EPHA5: variants seen among roughly 807,000 people sequenced by gnomAD.
EPHA5 encodes ephrin type-A receptor 5.
In EPHA5, 60 loss-of-function variants were observed where a neutral mutation model predicts 105.0. The ratio of observed to expected loss-of-function variants is 0.57; its 90% CI spans 0.46 to 0.71. The LOEUF (loss-of-function observed/expected upper bound fraction) is 0.71, where lower values mean the gene tolerates loss of function less well. Among genes scored for constraint, EPHA5 ranks in the 30% least tolerant of loss-of-function variants. The pLI is 0.00. For missense variants in EPHA5, 1,218 were observed against 1,274.7 expected, an observed-to-expected ratio of 0.96 and a Z score of 0.68; for synonymous variants, 513 against 449.1, an observed-to-expected ratio of 1.14 and a Z score of -1.80.
At chr4:65,352,599 C>A (rs902022772) in intron 12 of EPHA5, among the ~76,000 whole-genome samples, 1 of 151,912 alleles carries the variant, frequency 6.6e-6, no homozygotes, top group Non-Finnish European at 1.5e-5. Flanking sequence ...AGATTAGGAG[C>A]ACTTATAGGC....
chr4:65,470,556 A>G (rs562510487), intron 5 of EPHA5, among the ~76,000 whole-genome samples: 42 of 152,292 alleles, frequency 2.8e-4, no homozygotes, highest in African/African-American at 9.9e-4. Context: ...ATAACCATGT[A>G]CATGAATACC....
intron 3 of EPHA5, among the ~76,000 whole-genome samples, chr4:65,593,697 G>A (rs1187873367): frequency 6.6e-6 from 1 of 152,102 alleles, no homozygotes; most frequent in Non-Finnish European, 1.5e-5. Flanking sequence ...AAGAAAGCAG[G>A]GCTCAATCTG....
intron 3 of EPHA5, among the ~76,000 whole-genome samples, chr4:65,519,370 A>C (rs936700357): frequency 6.6e-6 from 1 of 152,092 alleles, no homozygotes; most frequent in African/African-American, 2.4e-5. Flanking sequence ...TATTGATAGG[A>C]TGTATCTCAA....
At position 65,361,308 on chromosome 4, in the gene EPHA5, C is replaced by T. The variant is rs375459391; in HGVS notation, c.2173+3709G>A. Reference sequence around the variant, plus strand: ...AAGGTCGAGTAGAGAGAAGAGAGGACATTTTAGGTCTGAGTGAAGTATCTC... The same window carrying T: ...AAGGTCGAGTAGAGAGAAGAGAGGATATTTTAGGTCTGAGTGAAGTATCTC... On this transcript the variant is annotated intron_variant, in intron 11 of 16. Transcript: ENST00000613740. Among the ~76,000 whole-genome samples the T allele has an allele frequency of 3.5e-4, 53 of 151,710 alleles. 1 individual carries two copies. In the South Asian group the frequency reaches 0.011, roughly 31 times the overall value.
chr4:65,532,170 A>G (rs925980128), intron 3 of EPHA5, among the ~76,000 whole-genome samples: 1 of 152,228 alleles, frequency 6.6e-6, no homozygotes, highest in South Asian at 2.1e-4. Context: ...TGCATAAATT[A>G]AATCTCATTT....
intron 3 of EPHA5, among the ~76,000 whole-genome samples, chr4:65,512,227 C>A (rs1479298775): frequency 1.3e-5 from 2 of 152,074 alleles, no homozygotes; most frequent in African/African-American, 4.8e-5. Flanking sequence ...CCAAATTCAT[C>A]ATTAACCGTA....
intron 3 of EPHA5, among the ~76,000 whole-genome samples, chr4:65,546,248 T>C (rs757996088): frequency 5.3e-5 from 8 of 151,944 alleles, no homozygotes; most frequent in Non-Finnish European, 1.2e-4. Flanking sequence ...AGACACAAAA[T>C]TCATGGTAGA....
At chr4:65,329,735 G>T (rs1373986150) in intron 16 of EPHA5, among the ~76,000 whole-genome samples, 1 of 150,668 alleles carries the variant, frequency 6.6e-6, no homozygotes, top group Non-Finnish European at 1.5e-5. Flanking sequence ...CAGTATCAAG[G>T]TATTTTGAGA....
intron 15 of EPHA5, among the ~76,000 whole-genome samples, chr4:65,334,334 A>G (rs764242660): frequency 3.3e-5 from 5 of 152,054 alleles, no homozygotes; most frequent in Non-Finnish European, 7.4e-5. Context: ...ATTGTGAGAA[A>G]GAGAATTGCA....
At chr4:65,638,926 C>A (rs1747400914) in intron 2 of EPHA5, among the ~76,000 whole-genome samples, 1 of 152,172 alleles carries the variant, frequency 6.6e-6, no homozygotes, top group South Asian at 2.1e-4. Context: ...TACTTGATTT[C>A]TTTAAAACAA....
chr4:65,500,964 A>G (rs552622777), intron 3 of EPHA5, among the ~76,000 whole-genome samples: 5 of 151,350 alleles, frequency 3.3e-5, no homozygotes, highest in Admixed American at 3.3e-4. Flanking sequence ...TTATTGAGAA[A>G]GAAAATCACT....
chr4:65,395,651 T>A (rs917538020), intron 8 of EPHA5, among the ~76,000 whole-genome samples: 2 of 152,168 alleles, frequency 1.3e-5, no homozygotes, highest in African/African-American at 4.8e-5. Flanking sequence ...GAGTTTCAAT[T>A]GTTGAATAGA....
chr4:65,374,325 ATTATGT>A (rs1273108861), intron 8 of EPHA5, among the ~76,000 whole-genome samples: 1 of 151,944 alleles, frequency 6.6e-6, no homozygotes, highest in African/African-American at 2.4e-5. Flanking sequence ...GAATATTAAC[ATTATGT>A]TTATGAATGT....
At chr4:65,668,402 C>A (rs1750142285) in intron 1 of EPHA5, among the ~76,000 whole-genome samples, 1 of 152,168 alleles carries the variant, frequency 6.6e-6, no homozygotes, top group Non-Finnish European at 1.5e-5. Flanking sequence ...CAGCCCCAAA[C>A]CGAAACCTCA....
rs1223859063 is a variant in EPHA5 at position 65,372,150 on chromosome 4, A to C, written c.1794-4726T>G. 3.9e-5 allele frequency among the ~76,000 whole-genome samples: 6 copies of C among 151,964 alleles called. No individual in the cohort carries two copies. The South Asian group carries it at 1.2e-3, about 31-fold the overall frequency. ...TCAACCATTGCATAATGTTGTATAT[A>C]AATGACAGTATATAAAGAATTTTAT... On this transcript the variant is annotated intron_variant, in intron 8 of 16. Transcript: ENST00000613740.
At chr4:65,558,692 T>A (rs1241786234) in intron 3 of EPHA5, among the ~76,000 whole-genome samples, 1 of 151,938 alleles carries the variant, frequency 6.6e-6, no homozygotes, top group African/African-American at 2.4e-5. Context: ...CCCTCCCTCC[T>A]CCCCGCACCC....
chr4:65,634,966 C>T (rs1746984416), intron 2 of EPHA5, among the ~76,000 whole-genome samples: 1 of 151,888 alleles, frequency 6.6e-6, no homozygotes, highest in South Asian at 2.1e-4. Context: ...AGAAATTATA[C>T]ACAAAACACG....
At position 65,643,397 on chromosome 4, in the gene EPHA5, C is replaced by G. The variant is rs1398953167; in HGVS notation, c.212G>C (p.Gly71Ala). 1.2e-6 allele frequency: 2 copies of G among 1,612,888 alleles called. No individual in the cohort carries two copies. Among genetic ancestry groups the G allele is most frequent in the Non-Finnish European group, 1.7e-6 (2 of 1,179,240 alleles). ...TGGAAAAGCAATCCATCCCAGGTCC[C>G]CCATGACAGTGCGTGAATCCAATAA... Reference protein sequence around the residue: ...VNLLDSRTVMGDLGWIAFPKN... With the variant: ...VNLLDSRTVMADLGWIAFPKN... Residue 71 changes from glycine to alanine, a missense_variant, in exon 2 of 17, where the codon GGG becomes GCG. Coordinates refer to ENST00000613740, the MANE Select transcript of EPHA5 (RefSeq NM_001281766.3).
intron 1 of EPHA5, among the ~76,000 whole-genome samples, chr4:65,645,833 T>C (rs771728957): frequency 2.6e-5 from 4 of 152,140 alleles, no homozygotes; most frequent in Non-Finnish European, 5.9e-5. Context: ...GAAATACATG[T>C]ATGTATCTTC....
Sources: gnomAD v4.1 joint callset for allele counts (sites outside exome capture counted in the v4.1 genomes callset) on GRCh38, gnomAD v4.1.1 for gene constraint, MANE v1.5 for transcripts, NCBI Gene and HGNC (gene_info 2026-07-23, HGNC 2026-07-21) for gene names.